Variants in WWOX observed in about 807,000 individuals in gnomAD.
The protein encoded by WWOX is WW domain containing oxidoreductase.
A neutral mutation model predicts 46.2 loss-of-function variants in WWOX; 69 were observed. That is an observed-to-expected ratio of 1.49 (90% CI 1.23 to 1.82). The LOEUF is 1.82. Ranked by LOEUF, WWOX falls within the 40% of genes most tolerant of loss-of-function variation. WWOX has a pLI of 0.00. For synonymous variants in WWOX, 359 were observed against 202.6 expected (o/e 1.77, Z -6.56); for missense variants, 919 against 542.6 (o/e 1.69, Z -6.89).
At chr16:78,409,721 G>A (rs2082632152) in intron 6 of WWOX, among the ~76,000 whole-genome samples, 1 of 152,162 alleles carries the variant, frequency 6.6e-6, no homozygotes, top group South Asian at 2.1e-4. Context: ...GTGTCGGTAT[G>A]GCTCTGCTGC....
rs140775767 is a variant in WWOX at position 78,813,246 on chromosome 16, A to C, written c.1056+380494A>C. On this transcript the variant is annotated intron_variant, in intron 8 of 8. Transcript: ENST00000566780. ...CTACCTCACAGAGATGTTTTAGGTC[A>C]TAAGTATTTTTCATTTAATTTTTTT... is the stretch of plus-strand genomic sequence containing the variant. Among the ~76,000 whole-genome samples the C allele has an allele frequency of 4.3e-3, 650 of 152,228 alleles. 2 individuals are homozygous for C. The highest frequency in any genetic ancestry group is 0.015 in the African/African-American group (611 of 41,548).
rs549802631 is a variant in WWOX at position 78,664,862 on chromosome 16, G to A, written c.1056+232110G>A. On this transcript the variant is annotated intron_variant, in intron 8 of 8. Coordinates refer to ENST00000566780, the MANE Select transcript of WWOX (RefSeq NM_016373.4). ...AGTCCAATTCTAAATGTGTGCATGT[G>A]CGTAAAACGGAATTTGCCAAACATG... is the stretch of plus-strand genomic sequence containing the variant. Among the ~76,000 whole-genome samples the A allele has an allele frequency of 2.6e-5, 4 of 152,316 alleles. No homozygotes were observed. In the East Asian group the frequency reaches 7.7e-4, roughly 29 times the overall value.
intron 8 of WWOX, among the ~76,000 whole-genome samples, chr16:78,884,112 C>G (rs560749747): frequency 1.3e-3 from 203 of 151,758 alleles, no homozygotes; most frequent in African/African-American, 4.6e-3. Flanking sequence ...AACCCTGTCT[C>G]TACAAAAATA....
intron 8 of WWOX, among the ~76,000 whole-genome samples, chr16:78,779,396 C>G (rs1484664680): frequency 1.3e-5 from 2 of 152,120 alleles, no homozygotes; most frequent in Non-Finnish European, 2.9e-5. Context: ...ATCCTTCCAC[C>G]TCAGCTTGAC....
chr16:78,849,587 A>AAAG (rs1455003555), intron 8 of WWOX, among the ~76,000 whole-genome samples: 1 of 150,982 alleles, frequency 6.6e-6, no homozygotes, highest in Non-Finnish European at 1.5e-5. Context: ...AAAAAAAAAA[A>AAAG]AAAAAGAAAA....
chr16:78,608,105 G>A (rs2045806593), intron 8 of WWOX, among the ~76,000 whole-genome samples: 1 of 152,182 alleles, frequency 6.6e-6, no homozygotes, highest in African/African-American at 2.4e-5. Flanking sequence ...ATGATGTGAT[G>A]TGGCTTTCTC....
intron 8 of WWOX, among the ~76,000 whole-genome samples, chr16:78,706,226 T>C (rs752598287): frequency 2.0e-5 from 3 of 152,142 alleles, no homozygotes; most frequent in Non-Finnish European, 4.4e-5. Flanking sequence ...TGTGTAGCTT[T>C]TTAGATTCAC....
At chr16:78,188,060 A>T (rs933238646) in intron 5 of WWOX, among the ~76,000 whole-genome samples, 5 of 152,188 alleles carry the variant, frequency 3.3e-5, no homozygotes, top group Non-Finnish European at 7.3e-5. Flanking sequence ...TTTCTTATTC[A>T]ATCGATTAAA....
intron 8 of WWOX, among the ~76,000 whole-genome samples, chr16:78,503,086 C>T (rs2085110030): frequency 6.6e-6 from 1 of 152,158 alleles, no homozygotes; most frequent in Non-Finnish European, 1.5e-5. Flanking sequence ...TCATATGTTG[C>T]TGACTGTTTT....
At position 79,052,526 on chromosome 16, in the gene WWOX, C is replaced by G. The variant is rs997568535; in HGVS notation, c.1057-159082C>G. Among the ~76,000 whole-genome samples, 6 of 152,194 alleles carry G rather than the reference C, an allele frequency of 3.9e-5. No individual in the cohort carries two copies. In the South Asian group the frequency reaches 8.3e-4, roughly 21 times the overall value. ...TATTCACAATAGCAAAGACTTGGAA[C>G]CAACCCAAATGTCCAACAGTGGTAG... is the stretch of plus-strand genomic sequence containing the variant. On this transcript the variant is annotated intron_variant, in intron 8 of 8. Transcript: ENST00000566780.
chr16:78,416,265 T>C (rs891986122), intron 6 of WWOX, among the ~76,000 whole-genome samples: 2 of 152,218 alleles, frequency 1.3e-5, no homozygotes, highest in African/African-American at 4.8e-5. Flanking sequence ...CAATGGCTTT[T>C]AGTCAAAACT....
At chr16:79,052,196 C>T (rs563162241) in intron 8 of WWOX, among the ~76,000 whole-genome samples, 12 of 151,540 alleles carry the variant, frequency 7.9e-5, no homozygotes, top group South Asian at 2.1e-4. Context: ...CCCTTCCCCC[C>T]ACCCCACCAC....
intron 8 of WWOX, among the ~76,000 whole-genome samples, chr16:78,805,713 G>A (rs1037333766): frequency 6.6e-6 from 1 of 152,184 alleles, no homozygotes; most frequent in African/African-American, 2.4e-5. Flanking sequence ...TCAAAAATAA[G>A]TCACTGTCAC....
chr16:78,644,335 C>G (rs900724089), intron 8 of WWOX, among the ~76,000 whole-genome samples: 1 of 152,096 alleles, frequency 6.6e-6, no homozygotes, highest in Non-Finnish European at 1.5e-5. Context: ...GACACCTACC[C>G]CATATGTCAC....
chr16:78,929,953 A>G (rs924829072), intron 8 of WWOX, among the ~76,000 whole-genome samples: 2 of 152,110 alleles, frequency 1.3e-5, no homozygotes, highest in African/African-American at 4.8e-5. Context: ...TCCCTGTGCT[A>G]ACTGCCCTTG....
At chr16:78,562,224 A>G (rs1437127598) in intron 8 of WWOX, among the ~76,000 whole-genome samples, 1 of 152,198 alleles carries the variant, frequency 6.6e-6, no homozygotes, top group African/African-American at 2.4e-5. Context: ...AGAAGGAAAT[A>G]AGAGCCTCGC....
intron 8 of WWOX, among the ~76,000 whole-genome samples, chr16:79,161,223 C>T (rs183280579): frequency 1.6e-4 from 24 of 152,136 alleles, no homozygotes; most frequent in Non-Finnish European, 2.9e-5. Flanking sequence ...TTTGAGTGCA[C>T]ACAGGCAAGT....
intron 5 of WWOX, among the ~76,000 whole-genome samples, chr16:78,336,026 A>G (rs1239997468): frequency 6.6e-6 from 1 of 152,028 alleles, no homozygotes; most frequent in Non-Finnish European, 1.5e-5. Flanking sequence ...TGGGAGGCAG[A>G]TGTTGCAGTG....
intron 8 of WWOX, among the ~76,000 whole-genome samples, chr16:78,494,505 A>C (rs2084862255): frequency 6.6e-6 from 1 of 152,188 alleles, no homozygotes; most frequent in South Asian, 2.1e-4. Flanking sequence ...AAACAAAAGG[A>C]AATAAAAACG....
Sources: allele counts gnomAD v4.1 joint callset (sites outside exome capture counted in the v4.1 genomes callset), GRCh38; gene constraint gnomAD v4.1.1; transcripts MANE v1.5; gene names NCBI Gene and HGNC (gene_info 2026-07-23, HGNC 2026-07-21).